Variants in CTNND2 observed in about 807,000 individuals in gnomAD.
The protein encoded by CTNND2 is catenin delta 2, also known as catenin delta-2.
CTNND2 carries 22 observed loss-of-function variants against 144.4 expected under a neutral mutation model. The ratio of observed to expected loss-of-function variants is 0.15; its 90% CI spans 0.11 to 0.22. The LOEUF (loss-of-function observed/expected upper bound fraction) is 0.22. CTNND2 is among the 10% of genes least tolerant of loss of function. The pLI is 1.00. For missense variants in CTNND2, 1,353 were observed against 1,618.8 expected (o/e 0.84, Z 2.82); for synonymous variants, 751 against 695.6 (o/e 1.08, Z -1.25).
intron 9 of CTNND2, among the ~76,000 whole-genome samples, chr5:11,254,440 C>T (rs944391858): frequency 6.6e-6 from 1 of 151,962 alleles, no homozygotes; most frequent in Admixed American, 6.6e-5. Context: ...GAGCAAAGAA[C>T]ATGGTTCCTA....
intron 3 of CTNND2, among the ~76,000 whole-genome samples, chr5:11,434,692 G>A (rs1006354438): frequency 5.9e-5 from 9 of 152,214 alleles, no homozygotes; most frequent in South Asian, 2.1e-4. Flanking sequence ...AACTGCTAAT[G>A]GTAGAATGTA....
At chr5:11,233,622 A>T (rs1163585156) in intron 10 of CTNND2, among the ~76,000 whole-genome samples, 1 of 152,242 alleles carries the variant, frequency 6.6e-6, no homozygotes, top group Non-Finnish European at 1.5e-5. Context: ...GCCATCTGTC[A>T]CAAAGGTAGA....
At chr5:11,610,957 C>G (rs1780292612) in intron 2 of CTNND2, among the ~76,000 whole-genome samples, 1 of 152,154 alleles carries the variant, frequency 6.6e-6, no homozygotes, top group African/African-American at 2.4e-5. Flanking sequence ...AATCTAAAGT[C>G]TAAGTCAGTA....
At chr5:11,530,216 C>T (rs769125087) in intron 3 of CTNND2, among the ~76,000 whole-genome samples, 10 of 151,712 alleles carry the variant, frequency 6.6e-5, no homozygotes, top group Admixed American at 1.3e-4. Context: ...CATAATATCT[C>T]GATACATAAT....
In CTNND2 at chr5:11,602,405, A is replaced by G. The variant is rs573650114; in HGVS notation, c.175-37349T>C. ...TCCCCATGGACATGTGTCAGTATGC[A>G]TAATAAACACGATGACATTAGATAG... On this transcript the variant is annotated intron_variant, in intron 2 of 21. Coordinates refer to ENST00000304623, the MANE Select transcript of CTNND2 (RefSeq NM_001332.4). Among the ~76,000 whole-genome samples the G allele has an allele frequency of 9.2e-5, 14 of 151,772 alleles. No individual in the cohort carries two copies. The South Asian group carries it at 2.9e-3, about 32-fold the overall frequency.
intron 2 of CTNND2, among the ~76,000 whole-genome samples, chr5:11,599,256 T>C (rs1406040059): frequency 6.6e-6 from 1 of 152,016 alleles, no homozygotes; most frequent in Admixed American, 6.6e-5. Flanking sequence ...TATGGGACAA[T>C]CTACTTAGGC....
intron 1 of CTNND2, among the ~76,000 whole-genome samples, chr5:11,828,052 A>G (rs1005242338): frequency 3.9e-5 from 6 of 152,212 alleles, no homozygotes; most frequent in African/African-American, 1.2e-4. Flanking sequence ...CCAAGAGCCC[A>G]GACCAGCAAG....
chr5:11,685,855 C>T (rs1784624398), intron 2 of CTNND2, among the ~76,000 whole-genome samples: 1 of 152,168 alleles, frequency 6.6e-6, no homozygotes, highest in South Asian at 2.1e-4. Context: ...TTAATCTTTA[C>T]ATTCTCTAAG....
At chr5:11,529,263 A>G (rs1399542308) in intron 3 of CTNND2, among the ~76,000 whole-genome samples, 5 of 152,196 alleles carry the variant, frequency 3.3e-5, no homozygotes. Flanking sequence ...AAAACAAAAC[A>G]ACAACAACAG....
chr5:11,281,752 A>G (rs1290827839), intron 9 of CTNND2, among the ~76,000 whole-genome samples: 1 of 152,114 alleles, frequency 6.6e-6, no homozygotes, highest in African/African-American at 2.4e-5. Context: ...CATCTCTTTC[A>G]TGTCTAAATT....
intron 12 of CTNND2, among the ~76,000 whole-genome samples, chr5:11,137,229 A>G (rs1365636291): frequency 6.6e-6 from 1 of 152,212 alleles, no homozygotes; most frequent in Non-Finnish European, 1.5e-5. Flanking sequence ...TCCATTCATT[A>G]GTTCATTTCT....
At chr5:11,429,814 G>A (rs1763113620) in intron 3 of CTNND2, among the ~76,000 whole-genome samples, 1 of 152,034 alleles carries the variant, frequency 6.6e-6, no homozygotes, top group Non-Finnish European at 1.5e-5. Context: ...TCAAAGCACA[G>A]GTCATTATCA....
chr5:11,498,231 T>C (rs866278066), intron 3 of CTNND2, among the ~76,000 whole-genome samples: 1 of 151,628 alleles, frequency 6.6e-6, no homozygotes, highest in Non-Finnish European at 1.5e-5. Flanking sequence ...GCCATCACTC[T>C]CCCCCACCCC....
intron 2 of CTNND2, among the ~76,000 whole-genome samples, chr5:11,700,911 C>T (rs941117519): frequency 8.5e-5 from 13 of 152,160 alleles, no homozygotes; most frequent in African/African-American, 2.9e-4. Context: ...TGAAAGAATA[C>T]TTAGGAAGTT....
intron 2 of CTNND2, among the ~76,000 whole-genome samples, chr5:11,685,962 T>C (rs1784629001): frequency 6.6e-6 from 1 of 152,192 alleles, no homozygotes; most frequent in South Asian, 2.1e-4. Flanking sequence ...CCCAGCACTT[T>C]GGGAGGCCAA....
chr5:11,644,275 A>T (rs1013132471), intron 2 of CTNND2, among the ~76,000 whole-genome samples: 5 of 152,236 alleles, frequency 3.3e-5, no homozygotes, highest in Non-Finnish European at 5.9e-5. Context: ...CACTTTATGT[A>T]GGATGTTTCA....
At chr5:11,651,138 G>C (rs985568617) in intron 2 of CTNND2, among the ~76,000 whole-genome samples, 2 of 152,148 alleles carry the variant, frequency 1.3e-5, no homozygotes, top group Non-Finnish European at 2.9e-5. Flanking sequence ...TTTAAGGCAG[G>C]CCCAGGGCCC....
At chr5:11,331,440 T>G (rs1423627724) in intron 9 of CTNND2, among the ~76,000 whole-genome samples, 1 of 152,216 alleles carries the variant, frequency 6.6e-6, no homozygotes, top group East Asian at 1.9e-4. Context: ...TTAATAGAAT[T>G]ATGTGGTAGC....
At chr5:11,101,401 T>C (rs1472148330) in intron 14 of CTNND2, among the ~76,000 whole-genome samples, 3 of 152,208 alleles carry the variant, frequency 2.0e-5, no homozygotes, top group African/African-American at 4.8e-5. Context: ...CAGACTGATG[T>C]AGGTGAGACA....
Sources: allele counts gnomAD v4.1 joint callset (sites outside exome capture counted in the v4.1 genomes callset), GRCh38; gene constraint gnomAD v4.1.1; transcripts MANE v1.5; gene names NCBI Gene and HGNC (gene_info 2026-07-23, HGNC 2026-07-21).